The following MAGEC3 variants were observed in gnomAD, a reference collection of about 807,000 sequenced individuals.
The protein encoded by MAGEC3 is MAGE family member C3, also known as melanoma-associated antigen C3.
Under a neutral mutation model 35.3 loss-of-function variants are expected in MAGEC3, and 34 were observed. The ratio of observed to expected loss-of-function variants is 0.96; its 90% CI spans 0.73 to 1.28. The LOEUF is 1.28. MAGEC3 is among the 50% of genes most tolerant of loss of function. The pLI is 0.00. For missense variants in MAGEC3, 561 were observed against 483.6 expected (o/e 1.16, Z -1.50); for synonymous variants, 202 against 185.6 (o/e 1.09, Z -0.72).
rs1004389424 is a variant in MAGEC3, at chrX:141,897,779, G to T, written c.1879G>T (p.Ala627Ser). ...AATTGACACCACAGATGATGCTACTGCCATGGCCAGTGCAAGCCCCAGTGT... is the reference window on the plus strand; with the variant it reads ...AATTGACACCACAGATGATGCTACTTCCATGGCCAGTGCAAGCCCCAGTGT... Reference protein sequence around the residue: ...AIIDTTDDATAMASASPSVMS... With the variant: ...AIIDTTDDATSMASASPSVMS... The change falls in exon 8 of 8, where the codon GCC becomes TCC. Residue 627 changes from alanine to serine, a missense_variant. Ala to Ser is a moderately conservative substitution (Grantham distance 99, BLOSUM62 1). Coordinates refer to ENST00000298296, the MANE Select transcript of MAGEC3 (RefSeq NM_138702.1). 2.5e-6 allele frequency: 3 copies of T among 1,207,803 alleles called. No homozygotes were observed. The highest frequency in any genetic ancestry group is 3.0e-5 in the East Asian group (1 of 33,819).
chrX:141,896,534 A>G, intron 6 of MAGEC3: 2 of 1,191,990 alleles, frequency 1.7e-6, no homozygotes, highest in Admixed American at 2.3e-5. Context: ...CAGAACCATC[A>G]TAGGTGAGTT....
In MAGEC3 at chrX:141,894,585, C is replaced by T. The variant is rs960657178; in HGVS notation, c.910-684C>T. On this transcript the variant is annotated intron_variant, in intron 4 of 7. Coordinates refer to ENST00000298296, the MANE Select transcript of MAGEC3 (RefSeq NM_138702.1). ...GACAGGAGAAGGGGGGAGTGCCGGCCCTGGAAGGAGTAAAACCTTGAGGAA... is the reference window on the plus strand; with the variant it reads ...GACAGGAGAAGGGGGGAGTGCCGGCTCTGGAAGGAGTAAAACCTTGAGGAA... 5.6e-6 allele frequency: 5 copies of T among 899,244 alleles called. No homozygotes were observed. In the African/African-American group the frequency reaches 1.0e-4, roughly 19 times the overall value. The allele number at this position is 899,244 out of a possible 1,213,427, so 74.1% of individuals were successfully genotyped here. A position where few individuals can be genotyped will look rare whatever the true frequency, so the allele number is the denominator to read the frequency against.
chrX:141,838,473 C>A (rs1187748603), intron 1 of MAGEC3, 35 bp downstream of exon 1: 7 of 1,188,510 alleles, frequency 5.9e-6, no homozygotes, highest in Middle Eastern at 2.4e-4. Flanking sequence ...GTCTAAGCCC[C>A]AGGTTAACAG....
At chrX:141,852,796 A>G (rs1430554793) in intron 1 of MAGEC3, among the ~76,000 whole-genome samples, 1 of 111,165 alleles carries the variant, frequency 9.0e-6, no homozygotes, top group African/African-American at 3.3e-5. Flanking sequence ...TGGTCTTGTC[A>G]TATTACTATT....
intron 1 of MAGEC3, among the ~76,000 whole-genome samples, chrX:141,846,586 G>A (rs900044695): frequency 6.3e-5 from 7 of 110,642 alleles, no homozygotes; most frequent in Non-Finnish European, 1.3e-4. Flanking sequence ...ATTATTTATT[G>A]TGCCTTCTCT....
intron 4 of MAGEC3, chrX:141,894,830 T>C (rs1422553547): frequency 3.3e-5 from 28 of 855,646 alleles, no homozygotes. Flanking sequence ...CAGGGAGAGG[T>C]GGGCGAAGGG....
intron 4 of MAGEC3, among the ~76,000 whole-genome samples, chrX:141,883,711 G>T (rs1366644163): frequency 8.9e-6 from 1 of 112,805 alleles, no homozygotes; most frequent in Non-Finnish European, 1.9e-5. Context: ...AAAAAGCAAA[G>T]CTTCCTTCAT....
intron 4 of MAGEC3, among the ~76,000 whole-genome samples, chrX:141,892,886 C>G (rs1382934385): frequency 8.9e-6 from 1 of 112,008 alleles, no homozygotes; most frequent in Non-Finnish European, 1.9e-5. Flanking sequence ...TGAAAAGTCA[C>G]TGTTAAGATC....
intron 2 of MAGEC3, among the ~76,000 whole-genome samples, chrX:141,866,335 T>C (rs2017848856): frequency 8.9e-6 from 1 of 112,193 alleles, no homozygotes; most frequent in African/African-American, 3.2e-5. Flanking sequence ...ATATTAAGTA[T>C]GCAATTCAGG....
In MAGEC3 at chrX:141,895,476, C is replaced by T. The variant is rs1397107143; in HGVS notation, c.1049-9C>T. On this transcript the variant is annotated splice_polypyrimidine_tract_variant and intron_variant, in intron 5 of 7. Transcript: ENST00000298296. ...AGAAGAAGCCCCGGTCTGCCCTGCG[C>T]TGCCATAGGACTTGCAGGCCACAGA... 2 of 1,211,024 alleles carry T rather than the reference C, an allele frequency of 1.7e-6. No homozygotes were observed. The highest frequency in any genetic ancestry group is 2.2e-6 in the Non-Finnish European group (2 of 895,183).
At chrX:141,879,628 A>AG (rs1291591118) in intron 3 of MAGEC3, among the ~76,000 whole-genome samples, 197 bp downstream of exon 3, 1 of 109,842 alleles carries the variant, frequency 9.1e-6, no homozygotes, top group Non-Finnish European at 1.9e-5. Flanking sequence ...TAGAGAGGTG[A>AG]GGGGTGGTTC....
intron 4 of MAGEC3, among the ~76,000 whole-genome samples, chrX:141,890,236 G>A (rs974074833): frequency 2.7e-5 from 3 of 110,684 alleles, no homozygotes; most frequent in Admixed American, 9.6e-5. Context: ...ACAGAGTCTC[G>A]CTCTGTCACC....
intron 3 of MAGEC3, chrX:141,880,861 A>G: frequency 8.9e-7 from 1 of 1,123,654 alleles, no homozygotes; most frequent in Non-Finnish European, 1.2e-6. Context: ...CAGAACCACC[A>G]TGGGTGAGTT....
intron 1 of MAGEC3, among the ~76,000 whole-genome samples, chrX:141,848,043 CATGTGTGTATGTGTATGTATACAT>C (rs1309172438): frequency 1.3e-4 from 14 of 109,775 alleles, no homozygotes; most frequent in African/African-American, 4.6e-4. Flanking sequence ...ACAGGGTATG[CATGTGTGTATGTGTATGTATACAT>C]ATGTGTGTGT....
At chrX:141,874,901 C>T (rs1188951180) in intron 2 of MAGEC3, among the ~76,000 whole-genome samples, 9 of 110,429 alleles carry the variant, frequency 8.2e-5, no homozygotes, top group African/African-American at 3.0e-4. Flanking sequence ...GGTTGACTAT[C>T]AAGGTGAAGC....
intron 1 of MAGEC3, among the ~76,000 whole-genome samples, chrX:141,851,417 G>A (rs2017750141): frequency 9.1e-6 from 1 of 110,117 alleles, no homozygotes; most frequent in Admixed American, 9.8e-5. Flanking sequence ...TTCTGTTAAT[G>A]CCAAGATTGA....
chrX:141,863,556 G>T (rs1011582822), intron 1 of MAGEC3, among the ~76,000 whole-genome samples: 10 of 111,822 alleles, frequency 8.9e-5, no homozygotes, highest in African/African-American at 3.2e-4. Flanking sequence ...GGAAAACTGT[G>T]GGGAGGTTAG....
intron 4 of MAGEC3, among the ~76,000 whole-genome samples, chrX:141,882,352 A>G (rs2017972859): frequency 8.9e-6 from 1 of 112,042 alleles, no homozygotes. Flanking sequence ...TCAGAATATT[A>G]TTTTATAAAT....
intron 1 of MAGEC3, among the ~76,000 whole-genome samples, chrX:141,858,304 C>T (rs1048040399): frequency 5.4e-5 from 6 of 110,505 alleles, no homozygotes; most frequent in Admixed American, 1.9e-4. Context: ...TCAAGTTTGT[C>T]TTGGGCTGAA....
Sources: allele counts gnomAD v4.1 joint callset (sites outside exome capture counted in the v4.1 genomes callset), GRCh38; gene constraint gnomAD v4.1.1; transcripts MANE v1.5; gene names NCBI Gene and HGNC (gene_info 2026-07-23, HGNC 2026-07-21).